Variants in PRKG1 observed in about 807,000 individuals in gnomAD.
PRKG1 encodes the protein cGMP-dependent protein kinase 1.
A neutral mutation model predicts 88.1 loss-of-function variants in PRKG1; 35 were observed. The ratio of observed to expected loss-of-function variants is 0.40; its 90% CI spans 0.30 to 0.53. The LOEUF (loss-of-function observed/expected upper bound fraction) is 0.53, where lower values mean the gene tolerates loss of function less well. PRKG1 is among the 20% of genes least tolerant of loss of function. The pLI, the probability that PRKG1 is intolerant of heterozygous loss-of-function variation, is 0.59. For synonymous variants in PRKG1, 303 were observed against 292.5 expected, an observed-to-expected ratio of 1.04 and a Z score of -0.37; for missense variants, 540 against 839.8, an observed-to-expected ratio of 0.64 and a Z score of 4.41.
At position 51,748,967 on chromosome 10, in the gene PRKG1, A is replaced by C. The variant is rs916532376; in HGVS notation, c.593-55618A>C. ...GATATAGGGAGAAGAAAGGAAAATG[A>C]AGTTAAAATACTCTTCTACATTTTA... On this transcript the variant is annotated intron_variant, in intron 3 of 17. Coordinates refer to ENST00000373980, the MANE Select transcript of PRKG1 (RefSeq NM_006258.4). Among the ~76,000 whole-genome samples the C allele has an allele frequency of 6.6e-5, 10 of 152,348 alleles. No individual in the cohort carries two copies. The East Asian group carries it at 1.9e-3, about 29-fold the overall frequency.
At chr10:51,773,312 A>T (rs920684029) in intron 3 of PRKG1, among the ~76,000 whole-genome samples, 1 of 152,132 alleles carries the variant, frequency 6.6e-6, no homozygotes, top group Non-Finnish European at 1.5e-5. Flanking sequence ...TATATAATTT[A>T]TAATGTAACT....
chr10:50,992,127 G>A (rs974048046), intron 1 of PRKG1, among the ~76,000 whole-genome samples: 3 of 152,080 alleles, frequency 2.0e-5, no homozygotes, highest in African/African-American at 7.2e-5. Context: ...GCGACTGGAG[G>A]CTGGACAGGG....
chr10:51,036,411 T>C (rs1377536741), intron 1 of PRKG1, among the ~76,000 whole-genome samples: 8 of 151,940 alleles, frequency 5.3e-5, no homozygotes, highest in Non-Finnish European at 1.5e-5. Flanking sequence ...TGGAGGTAGG[T>C]GTGCCTGGGA....
intron 2 of PRKG1, among the ~76,000 whole-genome samples, chr10:51,211,972 G>C (rs1426164260): frequency 1.3e-5 from 2 of 152,104 alleles, no homozygotes; most frequent in African/African-American, 4.8e-5. Context: ...CTACTTTAAA[G>C]TTCATATGGA....
At chr10:52,153,374 A>AATAAG (rs776143242) in intron 8 of PRKG1, among the ~76,000 whole-genome samples, 2 of 152,228 alleles carry the variant, frequency 1.3e-5, no homozygotes, top group Non-Finnish European at 2.9e-5. Flanking sequence ...AAGCATGTGT[A>AATAAG]CAAGTAATAA....
chr10:51,660,650 A>G (rs1840276045), intron 3 of PRKG1, among the ~76,000 whole-genome samples: 1 of 152,090 alleles, frequency 6.6e-6, no homozygotes, highest in South Asian at 2.1e-4. Context: ...TTCAGAATAC[A>G]TTTGGAATAG....
intron 7 of PRKG1, among the ~76,000 whole-genome samples, chr10:52,127,295 G>C (rs1388551227): frequency 6.6e-6 from 1 of 152,178 alleles, no homozygotes; most frequent in African/African-American, 2.4e-5. Context: ...TTGAGGTTAG[G>C]AGAAAATGAG....
At chr10:51,282,898 G>A (rs1840337802) in intron 2 of PRKG1, among the ~76,000 whole-genome samples, 2 of 152,100 alleles carry the variant, frequency 1.3e-5, no homozygotes, top group Admixed American at 1.3e-4. Flanking sequence ...GTGCAGGTTT[G>A]TTACATGGGT....
At chr10:51,444,488 A>G (rs1299912005) in intron 2 of PRKG1, among the ~76,000 whole-genome samples, 1 of 151,928 alleles carries the variant, frequency 6.6e-6, no homozygotes, top group Non-Finnish European at 1.5e-5. Flanking sequence ...AGTAAGTTCA[A>G]ATGAAGTGGT....
chr10:51,101,429 G>C (rs1431971443), intron 1 of PRKG1, among the ~76,000 whole-genome samples: 1 of 152,118 alleles, frequency 6.6e-6, no homozygotes, highest in South Asian at 2.1e-4. Flanking sequence ...AAGCCAGTCG[G>C]TGTGTGGCAT....
intron 1 of PRKG1, among the ~76,000 whole-genome samples, chr10:51,008,124 T>C (rs971343868): frequency 2.6e-5 from 4 of 152,168 alleles, no homozygotes; most frequent in African/African-American, 9.7e-5. Context: ...CTTCAGATCA[T>C]TCATATGCCC....
chr10:52,194,488 C>T (rs771821117), intron 9 of PRKG1, among the ~76,000 whole-genome samples: 3 of 152,012 alleles, frequency 2.0e-5, no homozygotes, highest in Non-Finnish European at 2.9e-5. Flanking sequence ...TTAAAAAGCA[C>T]CCTGGAATTA....
At chr10:51,962,620 C>G (rs577825161) in intron 5 of PRKG1, among the ~76,000 whole-genome samples, 2 of 152,058 alleles carry the variant, frequency 1.3e-5, no homozygotes, top group Non-Finnish European at 2.9e-5. Context: ...CAGGGATAAT[C>G]CTGCTTTTTT....
intron 6 of PRKG1, among the ~76,000 whole-genome samples, chr10:52,055,249 T>C (rs1272812953): frequency 6.6e-6 from 1 of 152,260 alleles, no homozygotes; most frequent in Non-Finnish European, 1.5e-5. Context: ...GCCTAAATTT[T>C]AATCCTGTTA....
intron 7 of PRKG1, among the ~76,000 whole-genome samples, chr10:52,085,902 A>C (rs1170508787): frequency 6.6e-6 from 1 of 152,124 alleles, no homozygotes; most frequent in Non-Finnish European, 1.5e-5. Context: ...TGTGACATGC[A>C]TAGCAGCCCA....
chr10:51,041,521 G>T (rs1386263548), intron 1 of PRKG1, among the ~76,000 whole-genome samples: 1 of 152,076 alleles, frequency 6.6e-6, no homozygotes, highest in African/African-American at 2.4e-5. Flanking sequence ...GGATCCAGTG[G>T]CTCTTTTGCC....
intron 4 of PRKG1, among the ~76,000 whole-genome samples, chr10:51,890,444 A>T (rs7902467): frequency 2.6e-5 from 4 of 151,972 alleles, no homozygotes; most frequent in African/African-American, 9.7e-5. Context: ...AATCTCTTAC[A>T]AGATATTCAT....
At chr10:51,135,413 T>C (rs1417600513) in intron 1 of PRKG1, among the ~76,000 whole-genome samples, 1 of 152,124 alleles carries the variant, frequency 6.6e-6, no homozygotes. Context: ...AGAATTCTGA[T>C]GGGTATGAAA....
At chr10:51,778,542 A>G (rs1394587195) in intron 3 of PRKG1, among the ~76,000 whole-genome samples, 3 of 152,192 alleles carry the variant, frequency 2.0e-5, no homozygotes, top group Admixed American at 6.6e-5. Context: ...TAGAAGAAAA[A>G]TTAATTTTTA....
Sources: gnomAD v4.1 joint callset for allele counts (sites outside exome capture counted in the v4.1 genomes callset) on GRCh38, gnomAD v4.1.1 for gene constraint, MANE v1.5 for transcripts, NCBI Gene and HGNC (gene_info 2026-07-23, HGNC 2026-07-21) for gene names.